Variants in TCF4 observed in about 807,000 individuals in gnomAD.
TCF4 encodes the protein transcription factor 4.
In TCF4, 3 loss-of-function variants were observed where a neutral mutation model predicts 82.1. That is an observed-to-expected ratio of 0.04 (90% CI 0.02 to 0.09). The LOEUF (loss-of-function observed/expected upper bound fraction) is 0.09, where lower values mean the gene tolerates loss of function less well. TCF4 is among the 10% of genes least tolerant of loss of function. The probability of loss-of-function intolerance (pLI) is 1.00; values close to 1 mark genes in which losing one functional copy is unlikely to be tolerated. For missense variants in TCF4, 518 were observed against 852.7 expected, an observed-to-expected ratio of 0.61 and a Z score of 4.89; for synonymous variants, 276 against 309.6, an observed-to-expected ratio of 0.89 and a Z score of 1.14.
rs1175260352 is a variant in TCF4 at position 55,586,150 on chromosome 18, GAGGAGCAGCAGCAGCAGCAGC to G, written c.73-819_73-799del. 1.6e-5 allele frequency: 19 copies of G among 1,222,838 alleles called. 1 individual carries two copies. The highest frequency in any genetic ancestry group is 9.6e-5 in the African/African-American group (6 of 62,572). 75.7% of individuals were successfully genotyped at this position (1,222,838 alleles called of 1,614,324 possible). A position where few individuals can be genotyped will look rare whatever the true frequency, so the allele number is the denominator to read the frequency against. The stretch of plus-strand genomic sequence containing the variant: ...GGAGGAGGAGAAGGAGGAGGAGGAG[GAGGAGCAGCAGCAGCAGCAGC>G]AGCAGCAGCAGCAGCAGCAGCAGCA... On this transcript the variant is annotated intron_variant, in intron 2 of 19. Coordinates refer to ENST00000354452, the MANE Select transcript of TCF4 (RefSeq NM_001083962.2).
intron 8 of TCF4, among the ~76,000 whole-genome samples, chr18:55,335,155 G>A (rs1488801622): frequency 2.0e-5 from 3 of 152,114 alleles, no homozygotes; most frequent in Admixed American, 6.5e-5. Context: ...TTATCCCGTC[G>A]TGTGTAGATT....
intron 2 of TCF4, among the ~76,000 whole-genome samples, chr18:55,611,629 G>GTATAATTTGAA (rs746662330): frequency 1.6e-3 from 238 of 152,134 alleles, no homozygotes; most frequent in Non-Finnish European, 2.5e-3. Context: ...CAAGACACGT[G>GTATAATTTGAA]TATAATTTGA....
intron 6 of TCF4, among the ~76,000 whole-genome samples, chr18:55,365,808 C>T (rs1361394055): frequency 2.0e-5 from 3 of 152,094 alleles, no homozygotes; most frequent in African/African-American, 7.2e-5. Context: ...AGGAGAATCG[C>T]TTGAACTCGG....
At chr18:55,362,280 C>T (rs1042330686) in intron 6 of TCF4, among the ~76,000 whole-genome samples, 23 of 150,248 alleles carry the variant, frequency 1.5e-4, no homozygotes, top group African/African-American at 5.4e-4. Context: ...CGCACCACTG[C>T]ACTCCAGCCT....
intron 6 of TCF4, among the ~76,000 whole-genome samples, chr18:55,400,507 C>T (rs2093753597): frequency 6.6e-6 from 1 of 152,102 alleles, no homozygotes; most frequent in African/African-American, 2.4e-5. Context: ...TTTCTGATAA[C>T]TTCAGGTGGA....
At chr18:55,592,177 C>T (rs1256488248), upstream of TCF4, among the ~76,000 whole-genome samples, 1 of 152,172 alleles carries the variant, frequency 6.6e-6, no homozygotes, top group Non-Finnish European at 1.5e-5. Flanking sequence ...TGGGATGCCT[C>T]TTCAATTTGC....
chr18:55,513,304 G>C (rs1340019896), intron 3 of TCF4, among the ~76,000 whole-genome samples: 1 of 151,556 alleles, frequency 6.6e-6, no homozygotes, highest in Non-Finnish European at 1.5e-5. Flanking sequence ...GCATGATGAA[G>C]AGTGGAAAAC....
intron 3 of TCF4, among the ~76,000 whole-genome samples, chr18:55,576,097 T>C (rs548095626): frequency 6.6e-6 from 1 of 152,184 alleles, no homozygotes; most frequent in Non-Finnish European, 1.5e-5. Context: ...AAACCCCTCT[T>C]GAATTGTACT....
chr18:55,621,457 A>T (rs756742510), intron 2 of TCF4, among the ~76,000 whole-genome samples: 2 of 49,588 alleles, frequency 4.0e-5, no homozygotes, highest in South Asian at 5.5e-4. Context: ...TAATATATAT[A>T]ATATATAATA....
At chr18:55,536,556 G>A (rs978715088) in intron 3 of TCF4, among the ~76,000 whole-genome samples, 1 of 152,110 alleles carries the variant, frequency 6.6e-6, no homozygotes, top group Admixed American at 6.5e-5. Flanking sequence ...TCAGAAAAAC[G>A]TATCGGAAGA....
chr18:55,588,940 T>A (rs942381829), upstream of TCF4, among the ~76,000 whole-genome samples: 2 of 152,192 alleles, frequency 1.3e-5, no homozygotes, highest in African/African-American at 4.8e-5. Flanking sequence ...TGTAAGTTTT[T>A]AATTCAACAT....
rs537537125 is a variant in TCF4, at chr18:55,338,427, C to T, written c.549+11932G>A. On this transcript the variant is annotated intron_variant, in intron 8 of 19. Coordinates refer to ENST00000354452, the MANE Select transcript of TCF4 (RefSeq NM_001083962.2). ...AAATGGCCATGAGTGCCTCTTCTTC[C>T]GGGGAGAGGATTCAGGCCCTCCAAT... 3.7e-4 allele frequency among the ~76,000 whole-genome samples: 56 copies of T among 152,212 alleles called. 1 individual carries two copies. The highest frequency in any genetic ancestry group is 1.3e-3 in the African/African-American group (54 of 41,522).
At chr18:55,236,695 T>C (rs2049549651) in intron 15 of TCF4, among the ~76,000 whole-genome samples, 1 of 152,236 alleles carries the variant, frequency 6.6e-6, no homozygotes. Context: ...GATTATCCTT[T>C]CAATCTAAGA....
At chr18:55,519,096 A>C (rs2096910416) in intron 3 of TCF4, 2 of 152,200 alleles carry the variant, frequency 1.3e-5, no homozygotes, top group African/African-American at 4.8e-5. Context: ...CAACATTAGC[A>C]ACAACATAAG....
chr18:55,495,310 GA>G (rs775843147), intron 3 of TCF4, among the ~76,000 whole-genome samples: 5,516 of 125,390 alleles, frequency 0.044, 113 homozygotes, highest in Non-Finnish European at 0.062. Flanking sequence ...AGGTATTTGG[GA>G]AAAAAAAAAA....
chr18:55,619,240 C>T (rs1004484844), intron 2 of TCF4, among the ~76,000 whole-genome samples: 1 of 152,092 alleles, frequency 6.6e-6, no homozygotes, highest in Non-Finnish European at 1.5e-5. Context: ...ATCATCTTAT[C>T]TATTTCTTCT....
intron 3 of TCF4, among the ~76,000 whole-genome samples, chr18:55,474,841 C>T (rs1256361148): frequency 6.6e-6 from 1 of 152,074 alleles, no homozygotes; most frequent in African/African-American, 2.4e-5. Flanking sequence ...GTGGCACAAA[C>T]ACAGCTCACC....
chr18:55,511,346 A>C (rs868435522), intron 3 of TCF4, among the ~76,000 whole-genome samples: 2 of 150,982 alleles, frequency 1.3e-5, no homozygotes, highest in African/African-American at 4.9e-5. Context: ...AAAAAAAAAA[A>C]AAAAGCATTC....
At chr18:55,504,935 T>C (rs1045038973) in intron 3 of TCF4, among the ~76,000 whole-genome samples, 4 of 152,154 alleles carry the variant, frequency 2.6e-5, no homozygotes, top group Non-Finnish European at 5.9e-5. Flanking sequence ...AACAACATGC[T>C]AATCCTAATA....
Sources: allele counts gnomAD v4.1 joint callset (sites outside exome capture counted in the v4.1 genomes callset), GRCh38; gene constraint gnomAD v4.1.1; transcripts MANE v1.5; gene names NCBI Gene and HGNC (gene_info 2026-07-23, HGNC 2026-07-21).